The following NBPF12 variants were observed in gnomAD, a reference collection of about 807,000 sequenced individuals.
The protein encoded by NBPF12 is NBPF member 12, also known as NBPF family member NBPF12.
Under a neutral mutation model 146.4 loss-of-function variants are expected in NBPF12, and 115 were observed. The ratio of observed to expected loss-of-function variants is 0.79; its 90% CI spans 0.68 to 0.92. The LOEUF is 0.92. NBPF12 is among the 40% of genes least tolerant of loss of function. NBPF12 has a pLI of 0.00. For missense variants in NBPF12, 1,205 were observed against 1,326.8 expected (o/e 0.91, Z 1.43); for synonymous variants, 385 against 508.9 (o/e 0.76, Z 3.28).
chr1:146,963,613 A>G (rs1656004704), intron 6 of NBPF12, among the ~76,000 whole-genome samples: 1 of 151,866 alleles, frequency 6.6e-6, no homozygotes, highest in Non-Finnish European at 1.5e-5. Context: ...TGGAGTGAAA[A>G]GAGCTCTGGG....
intron 2 of NBPF12, among the ~76,000 whole-genome samples, chr1:146,955,085 C>T (rs1293846797): frequency 1.0e-5 from 1 of 98,248 alleles, no homozygotes; most frequent in African/African-American, 3.8e-5. Context: ...TCTCAAAAGA[C>T]TTGAATAGAT....
chr1:146,968,151 CG>C (rs1656326560), intron 9 of NBPF12, among the ~76,000 whole-genome samples: 1 of 146,876 alleles, frequency 6.8e-6, no homozygotes, highest in Non-Finnish European at 1.5e-5. Context: ...AAAGTGGCCC[CG>C]AATTCAGAGT....
chr1:146,963,474 C>G (rs1264735310), intron 6 of NBPF12, among the ~76,000 whole-genome samples, 165 bp downstream of exon 9: 2 of 152,030 alleles, frequency 1.3e-5, no homozygotes, highest in African/African-American at 4.8e-5. Context: ...AATGGGAAAC[C>G]CATGGGTTTG....
chr1:146,944,232 A>G (rs1402462495), intron 2 of NBPF12, among the ~76,000 whole-genome samples: 4 of 126,930 alleles, frequency 3.2e-5, no homozygotes, highest in South Asian at 3.0e-4. Context: ...TGGGGTGACT[A>G]TTAGGTACCA....
rs1254152196 is a variant in NBPF12, at chr1:146,970,627, C to T, written c.1307-20C>T. ...GAATGTGAAGTGGAAAATATCTGAACGAACATTTTGTATTTATAGAAAATG... is the reference window on the plus strand; with the variant it reads ...GAATGTGAAGTGGAAAATATCTGAATGAACATTTTGTATTTATAGAAAATG... On this transcript the variant is annotated intron_variant, in intron 11 of 33. Transcript: ENST00000617844. 3.4e-4 allele frequency: 533 copies of T among 1,563,138 alleles called. 17 individuals carry two copies. The East Asian group carries it at 8.1e-3, about 24-fold the overall frequency.
At position 146,966,565 on chromosome 1, in the gene NBPF12, A is replaced by G. The variant is rs1656223524; in HGVS notation, c.880A>G (p.Lys294Glu). The G allele has an allele frequency of 1.4e-6, 2 of 1,386,920 alleles. 1 individual carries two copies. Among genetic ancestry groups the G allele is most frequent in the African/African-American group, 2.9e-5 (2 of 68,888 alleles). 85.9% of individuals were successfully genotyped at this position (1,386,920 alleles called of 1,614,324 possible). ...GATGAACATTCTAGAAATCAATGAG[A>G]AGTTGCGCCCCCAGCTGGCAGAGAA... The change falls in exon 9 of 34, where the codon AAG becomes GAG. Residue 294 changes from lysine (K) to glutamate (E), a missense_variant. By Grantham distance (56) the Lys-to-Glu change is moderately conservative (BLOSUM62 1). Coordinates refer to ENST00000617844, the Ensembl canonical transcript of NBPF12.
chr1:146,966,472 C>G (rs1218755779), exon 9 of NBPF12: 8 of 1,384,550 alleles, frequency 5.8e-6, no homozygotes, highest in Non-Finnish European at 8.2e-6. Flanking sequence ...AGTCCCTGGC[C>G]CCACCTCTTC....
exon 9 of NBPF12, chr1:146,966,528 C>A: frequency 1.4e-6 from 2 of 1,481,306 alleles, no homozygotes; most frequent in South Asian, 1.1e-5. Context: ...CTTTGTCCAG[C>A]GAGAAGGCAG....
At chr1:146,975,366 TC>T (rs1375481363) in intron 15 of NBPF12, among the ~76,000 whole-genome samples, 2 of 146,100 alleles carry the variant, frequency 1.4e-5, no homozygotes, top group Non-Finnish European at 1.5e-5. Flanking sequence ...CATGGAAATG[TC>T]CATGGCCAGA....
chr1:146,960,676 G>T (rs1655792033), intron 4 of NBPF12, among the ~76,000 whole-genome samples: 1 of 151,914 alleles, frequency 6.6e-6, no homozygotes, highest in African/African-American at 2.4e-5. Context: ...TGTTCTAAAT[G>T]TCTAGGACTA....
intron 4 of NBPF12, among the ~76,000 whole-genome samples, chr1:146,960,919 G>A (rs1173019299): frequency 1.3e-5 from 2 of 152,102 alleles, no homozygotes; most frequent in Non-Finnish European, 2.9e-5. Flanking sequence ...AGGCTGAGGC[G>A]GGCAGAGCAC....
In NBPF12 at chr1:146,970,726, C is replaced by T; in HGVS notation, c.1379+7C>T. On this transcript the variant is annotated splice_region_variant and intron_variant, in intron 12 of 33. Transcript: ENST00000617844. ...TGGAATCATCTTCCCCCAGGTGACA[C>T]TGAATACTCAGGAGCAAGTAATGGG... 2 of 1,349,722 alleles carry T rather than the reference C, an allele frequency of 1.5e-6. No individual in the cohort carries two copies. The highest frequency in any genetic ancestry group is 2.1e-6 in the Non-Finnish European group (2 of 941,696). 83.6% of individuals were successfully genotyped at this position (1,349,722 alleles called of 1,614,324 possible).
chr1:146,994,545 C>G lies in NBPF12; in HGVS notation c.4344C>G (p.Val1448=), dbSNP rs1043477. 6.2e-5 allele frequency: 100 copies of G among 1,609,578 alleles called. 1 individual carries two copies. The African/African-American group carries it at 9.9e-4, about 16-fold the overall frequency. ...TGACGGTGACAAGTCTCCACCTGGT[C>G]TTCCAGATGGGAGTCATATTCCCAC... The change falls in exon 34 of 34, where the codon GTC becomes GTG. Residue 1448 remains valine (V), a synonymous_variant. Coordinates refer to ENST00000617844, the Ensembl canonical transcript of NBPF12.
At chr1:146,971,376 G>A in exon 13 of NBPF12, 2 of 1,610,894 alleles carry the variant, frequency 1.2e-6, no homozygotes, top group South Asian at 2.2e-5. Context: ...ATGTCAGGAT[G>A]CTCTAAACAT....
At chr1:146,994,913 G>C (rs1280511477) in exon 34 of NBPF12, 3 of 398,346 alleles carry the variant, frequency 7.5e-6, no homozygotes, top group African/African-American at 6.2e-5. Flanking sequence ...ACCTACTCAA[G>C]GTCAGTGTCA....
chr1:146,940,756 G>T (rs1429456393), intron 1 of NBPF12, among the ~76,000 whole-genome samples: 6 of 152,014 alleles, frequency 3.9e-5, no homozygotes, highest in Non-Finnish European at 5.9e-5. Flanking sequence ...GAATATTCCA[G>T]TTACCCCACA....
chr1:146,950,814 T>C (rs1156566257), intron 1 of NBPF12, among the ~76,000 whole-genome samples: 6 of 152,222 alleles, frequency 3.9e-5, no homozygotes, highest in South Asian at 2.1e-4. Context: ...CATTCTTGTA[T>C]TGATAGATAT....
At chr1:146,938,911 A>G (rs1378956123) in exon 1 of NBPF12, 14 of 152,038 alleles carry the variant, frequency 9.2e-5, no homozygotes, top group African/African-American at 3.4e-4. Flanking sequence ...AGCGGGGCCG[A>G]GGTACGGCGG....
At chr1:146,994,869 A>T (rs1658447797) in exon 34 of NBPF12, 1 of 516,410 alleles carries the variant, frequency 1.9e-6, no homozygotes, top group Non-Finnish European at 3.3e-6. Context: ...TTCCTCAGGG[A>T]TTTCATTTTG....
Sources: allele counts gnomAD v4.1 joint callset (sites outside exome capture counted in the v4.1 genomes callset), GRCh38; gene constraint gnomAD v4.1.1; transcripts MANE v1.5; gene names NCBI Gene and HGNC (gene_info 2026-07-23, HGNC 2026-07-21).